DLC1: variants seen among roughly 807,000 people sequenced by gnomAD.
The protein encoded by DLC1 is DLC1 Rho GTPase activating protein.
In DLC1, 54 loss-of-function variants were observed where a neutral mutation model predicts 140.3. That is an observed-to-expected ratio of 0.38 (90% CI 0.31 to 0.48). The LOEUF is 0.48. Among genes scored for constraint, DLC1 ranks in the 20% least tolerant of loss-of-function variants. DLC1 has a pLI of 0.96. For synonymous variants in DLC1, 986 were observed against 728.1 expected, an observed-to-expected ratio of 1.35 and a Z score of -5.70; for missense variants, 2,536 against 1,907.0, an observed-to-expected ratio of 1.33 and a Z score of -6.14.
chr8:13,111,999 A>G (rs985949171), intron 6 of DLC1, among the ~76,000 whole-genome samples: 1 of 151,932 alleles, frequency 6.6e-6, no homozygotes, highest in Admixed American at 6.6e-5. Flanking sequence ...AATCTAAAAA[A>G]ATTTTACTGG....
chr8:13,489,248 G>T (rs1801119808), intron 2 of DLC1, among the ~76,000 whole-genome samples: 1 of 152,054 alleles, frequency 6.6e-6, no homozygotes, highest in African/African-American at 2.4e-5. Flanking sequence ...TGCCTGGCCA[G>T]TGCTACTATT....
At chr8:13,357,456 C>T (rs982183761) in intron 4 of DLC1, among the ~76,000 whole-genome samples, 34 of 152,202 alleles carry the variant, frequency 2.2e-4, no homozygotes, top group African/African-American at 7.5e-4. Context: ...AGCCCCAGCA[C>T]GTTGTGAGAT....
chr8:13,202,918 C>T (rs961522019), intron 5 of DLC1, among the ~76,000 whole-genome samples: 1 of 152,140 alleles, frequency 6.6e-6, no homozygotes, highest in Non-Finnish European at 1.5e-5. Flanking sequence ...AAGTAATCCA[C>T]CCGCCTCAGC....
chr8:13,436,623 C>T (rs984802435), intron 2 of DLC1, among the ~76,000 whole-genome samples: 1 of 152,188 alleles, frequency 6.6e-6, no homozygotes, highest in African/African-American at 2.4e-5. Context: ...CATTTTAACA[C>T]ACAGCAACTG....
intron 5 of DLC1, among the ~76,000 whole-genome samples, chr8:13,128,641 G>A (rs1821796679): frequency 6.6e-6 from 1 of 152,148 alleles, no homozygotes; most frequent in Non-Finnish European, 1.5e-5. Flanking sequence ...GACCATCCTG[G>A]CTAACACGAT....
chr8:13,140,741 A>C (rs1290335926), intron 5 of DLC1, among the ~76,000 whole-genome samples: 1 of 152,168 alleles, frequency 6.6e-6, no homozygotes, highest in Non-Finnish European at 1.5e-5. Flanking sequence ...TTCAATTATT[A>C]ACTAGGAGTT....
At chr8:13,567,487 T>A in intron 1 of DLC1, 3 of 1,552,106 alleles carry the variant, frequency 1.9e-6, no homozygotes, top group Non-Finnish European at 2.6e-6. Flanking sequence ...TGCCTTTAGT[T>A]GTACTGTACC....
chr8:13,276,302 C>G, intron 5 of DLC1: 1 of 1,535,556 alleles, frequency 6.5e-7, no homozygotes, highest in South Asian at 1.2e-5. Context: ...AAATGACATC[C>G]AGGGCTCTGG....
At chr8:13,394,012 AGC>A (rs1354026030) in intron 3 of DLC1, among the ~76,000 whole-genome samples, 2 of 142,292 alleles carry the variant, frequency 1.4e-5, no homozygotes, top group African/African-American at 2.5e-5. Flanking sequence ...AGAAGCCCAC[AGC>A]CACACCTTCC....
chr8:13,160,596 C>T lies in DLC1; in HGVS notation c.1349-44939G>A, dbSNP rs150101798. Reference sequence around the variant, plus strand: ...CCTTACTTTCTTCCTCTTTTCCTCTCTCTCTCTTACCTGGCATAGGTTAAA... The same window carrying T: ...CCTTACTTTCTTCCTCTTTTCCTCTTTCTCTCTTACCTGGCATAGGTTAAA... On this transcript the variant is annotated intron_variant, in intron 5 of 17. Coordinates refer to ENST00000276297, the MANE Select transcript of DLC1 (RefSeq NM_182643.3). Among the ~76,000 whole-genome samples, 464 of 152,334 alleles carry T rather than the reference C, an allele frequency of 3.0e-3. 2 individuals are homozygous for T. Among genetic ancestry groups the T allele is most frequent in the Middle Eastern group, 0.01 (3 of 294 alleles).
intron 1 of DLC1, among the ~76,000 whole-genome samples, chr8:13,548,686 C>T (rs774151187): frequency 3.3e-5 from 5 of 151,994 alleles, no homozygotes; most frequent in Non-Finnish European, 7.4e-5. Context: ...GACATCGTAA[C>T]TTAAGAGCAC....
At chr8:13,433,397 G>A (rs1838976091) in intron 2 of DLC1, among the ~76,000 whole-genome samples, 1 of 152,124 alleles carries the variant, frequency 6.6e-6, no homozygotes. Context: ...TATTAAGGTA[G>A]TTACAGATCA....
chr8:13,560,940 T>A (rs1202383294), intron 1 of DLC1, among the ~76,000 whole-genome samples: 1 of 151,994 alleles, frequency 6.6e-6, no homozygotes, highest in Non-Finnish European at 1.5e-5. Context: ...AGTGATAATA[T>A]CCTTTACAAA....
At position 13,572,237 on chromosome 8, in the gene DLC1, C is replaced by T. The variant is rs902549064; in HGVS notation, c.-126+32300G>A. Among the ~76,000 whole-genome samples the T allele has an allele frequency of 1.7e-3, 258 of 151,972 alleles. 1 individual carries two copies. Among genetic ancestry groups the T allele is most frequent in the African/African-American group, 5.8e-3 (240 of 41,500 alleles). ...CCCAAGCAGCTGGGACTACAGGTGC[C>T]TGCCACCACGCCCAGCTAATTTTTT... On this transcript the variant is annotated intron_variant, in intron 1 of 1. Transcript: ENST00000631382.
chr8:13,469,902 T>G (rs1466710620), intron 2 of DLC1, among the ~76,000 whole-genome samples: 1 of 152,198 alleles, frequency 6.6e-6, no homozygotes, highest in African/African-American at 2.4e-5. Context: ...TTCTAGTTTC[T>G]GCCCTCCAGA....
At chr8:13,246,020 C>G (rs1378487981) in intron 5 of DLC1, among the ~76,000 whole-genome samples, 1 of 152,056 alleles carries the variant, frequency 6.6e-6, no homozygotes, top group Non-Finnish European at 1.5e-5. Context: ...TTTTAAAATG[C>G]TTTAAACAAG....
chr8:13,596,200 C>G (rs1407212617), intron 1 of DLC1, among the ~76,000 whole-genome samples: 1 of 151,868 alleles, frequency 6.6e-6, no homozygotes, highest in Non-Finnish European at 1.5e-5. Flanking sequence ...TGTCTTAGCA[C>G]CAAATTTTGT....
intron 2 of DLC1, among the ~76,000 whole-genome samples, chr8:13,432,936 C>G (rs1474300847): frequency 7.3e-6 from 1 of 136,258 alleles, no homozygotes; most frequent in Non-Finnish European, 1.5e-5. Context: ...GGAGGTTCCT[C>G]TCTTCCTTTT....
intron 7 of DLC1, among the ~76,000 whole-genome samples, chr8:13,107,691 T>C (rs1819680814): frequency 6.6e-6 from 1 of 152,214 alleles, no homozygotes. Flanking sequence ...GACTATCACA[T>C]AATCAGTACA....
Sources: gnomAD v4.1 joint callset for allele counts (sites outside exome capture counted in the v4.1 genomes callset) on GRCh38, gnomAD v4.1.1 for gene constraint, MANE v1.5 for transcripts, NCBI Gene and HGNC (gene_info 2026-07-23, HGNC 2026-07-21) for gene names.